The following LPP variants were observed in gnomAD, a reference collection of about 807,000 sequenced individuals.
The protein encoded by LPP is LIM domain containing preferred translocation partner in lipoma, also known as lipoma-preferred partner.
In LPP, 38 loss-of-function variants were observed where a neutral mutation model predicts 60.4. That is an observed-to-expected ratio of 0.63 (90% CI 0.49 to 0.83). The LOEUF (loss-of-function observed/expected upper bound fraction) is 0.83, where lower values mean the gene tolerates loss of function less well. Among genes scored for constraint, LPP ranks in the 40% least tolerant of loss-of-function variants. The pLI is 0.00. For missense variants in LPP, 902 were observed against 783.6 expected, an observed-to-expected ratio of 1.15 and a Z score of -1.80; for synonymous variants, 328 against 290.8, an observed-to-expected ratio of 1.13 and a Z score of -1.30.
intron 1 of LPP, among the ~76,000 whole-genome samples, chr3:188,187,209 C>G (rs1726857590): frequency 6.6e-6 from 1 of 152,062 alleles, no homozygotes; most frequent in Admixed American, 6.6e-5. Flanking sequence ...GGTTTGATTG[C>G]AAAAGCTGAA....
At chr3:188,594,623 CA>C (rs1839625129) in intron 6 of LPP, among the ~76,000 whole-genome samples, 5 of 152,040 alleles carry the variant, frequency 3.3e-5, no homozygotes, top group Admixed American at 2.6e-4. Flanking sequence ...TTGCATTTTT[CA>C]AAAAGAAATC....
chr3:188,161,738 A>G (rs921247618), intron 1 of LPP, among the ~76,000 whole-genome samples: 1 of 152,102 alleles, frequency 6.6e-6, no homozygotes, highest in Non-Finnish European at 1.5e-5. Flanking sequence ...TCCACCCTCC[A>G]CTAGGGGTTT....
chr3:188,370,383 G>A (rs1408326190), intron 3 of LPP, among the ~76,000 whole-genome samples: 1 of 152,186 alleles, frequency 6.6e-6, no homozygotes, highest in Non-Finnish European at 1.5e-5. Context: ...TGGAGTGATG[G>A]CAGCAAGATA....
chr3:188,588,624 T>A (rs1376826803), intron 6 of LPP, among the ~76,000 whole-genome samples: 1 of 152,212 alleles, frequency 6.6e-6, no homozygotes, highest in East Asian at 1.9e-4. Context: ...ATGAGGATAA[T>A]AATAGGTTCT....
At chr3:188,503,797 A>G (rs1812648910) in intron 5 of LPP, among the ~76,000 whole-genome samples, 1 of 152,150 alleles carries the variant, frequency 6.6e-6, no homozygotes, top group Admixed American at 6.5e-5. Context: ...GCTGCTAAGA[A>G]AACCGGATAA....
chr3:188,233,943 T>C (rs1163070917), intron 2 of LPP, among the ~76,000 whole-genome samples: 1 of 152,048 alleles, frequency 6.6e-6, no homozygotes. Context: ...ATTCCTCTGC[T>C]TATGCTGTTT....
intron 1 of LPP, among the ~76,000 whole-genome samples, chr3:188,178,344 G>A (rs1378614368): frequency 6.6e-6 from 1 of 152,190 alleles, no homozygotes; most frequent in African/African-American, 2.4e-5. Context: ...CTGAGACCCA[G>A]GTAGGGTGAT....
chr3:188,239,081 C>T (rs1441199283), intron 2 of LPP, among the ~76,000 whole-genome samples: 3 of 152,176 alleles, frequency 2.0e-5, no homozygotes, highest in Non-Finnish European at 4.4e-5. Flanking sequence ...GAGATGGGGG[C>T]ACTGGATCAG....
chr3:188,421,550 C>T (rs1787803310), intron 4 of LPP, among the ~76,000 whole-genome samples: 1 of 152,126 alleles, frequency 6.6e-6, no homozygotes, highest in South Asian at 2.1e-4. Context: ...GCCAAAGTCT[C>T]TTCAGAAAAT....
intron 7 of LPP, among the ~76,000 whole-genome samples, chr3:188,649,380 G>A (rs994210433): frequency 6.6e-6 from 1 of 152,178 alleles, no homozygotes; most frequent in East Asian, 1.9e-4. Flanking sequence ...CCAGTGTTTG[G>A]ATGACAGCTA....
chr3:188,741,407 A>G (rs537720509), intron 8 of LPP, among the ~76,000 whole-genome samples: 33 of 152,168 alleles, frequency 2.2e-4, no homozygotes, highest in African/African-American at 7.9e-4. Flanking sequence ...AATTAGTTGA[A>G]CTATTGTGCA....
At chr3:188,708,053 G>T (rs757211027) in intron 7 of LPP, among the ~76,000 whole-genome samples, 30 of 152,204 alleles carry the variant, frequency 2.0e-4, no homozygotes, top group Non-Finnish European at 3.7e-4. Flanking sequence ...TCTAAAGCCT[G>T]ATAGATGACT....
At chr3:188,634,552 A>T (rs1580559241) in intron 7 of LPP, among the ~76,000 whole-genome samples, 1 of 152,210 alleles carries the variant, frequency 6.6e-6, no homozygotes, top group African/African-American at 2.4e-5. Flanking sequence ...ATCTGTATTT[A>T]CAGCCACTCC....
chr3:188,205,219 A>G (rs1289600506), intron 1 of LPP, among the ~76,000 whole-genome samples: 1 of 151,334 alleles, frequency 6.6e-6, no homozygotes, highest in Non-Finnish European at 1.5e-5. Flanking sequence ...GTTTAGAGAG[A>G]TGAAATAACT....
chr3:188,235,739 A>G (rs1176895727), intron 2 of LPP, among the ~76,000 whole-genome samples: 5 of 152,260 alleles, frequency 3.3e-5, no homozygotes, highest in African/African-American at 1.2e-4. Context: ...GTTTCTTTTC[A>G]GGGTAGTTCC....
At chr3:188,211,572 A>T (rs1219761850) in intron 1 of LPP, among the ~76,000 whole-genome samples, 1 of 151,898 alleles carries the variant, frequency 6.6e-6, no homozygotes, top group Non-Finnish European at 1.5e-5. Context: ...TTTAGATCAG[A>T]TTCATTCCTG....
intron 2 of LPP, among the ~76,000 whole-genome samples, chr3:188,291,905 A>G (rs1011852728): frequency 2.6e-5 from 4 of 152,152 alleles, no homozygotes; most frequent in African/African-American, 9.7e-5. Flanking sequence ...TTTCTGCTCC[A>G]CCACCCTGAT....
rs958431762 is a variant in LPP at position 188,571,857 on chromosome 3, C to T, written c.430-37304C>T. Among the ~76,000 whole-genome samples, 5 of 152,156 alleles carry T rather than the reference C, an allele frequency of 3.3e-5. 1 individual carries two copies. The highest frequency in any genetic ancestry group is 4.2e-4 in the South Asian group (2 of 4,818). ...TACAGTTGCGGAGACATCAGTTAGG[C>T]GCTGTTCCTCTCACATATGTCATCA... On this transcript the variant is annotated intron_variant, in intron 6 of 11. Coordinates refer to ENST00000617246, the MANE Select transcript of LPP (RefSeq NM_001375462.1).
intron 3 of LPP, among the ~76,000 whole-genome samples, chr3:188,365,283 T>A (rs779627783): frequency 3.3e-5 from 5 of 152,178 alleles, no homozygotes; most frequent in Admixed American, 6.5e-5. Context: ...TTCTGGGCAG[T>A]AGAAGTGTAT....
Sources: allele counts gnomAD v4.1 joint callset (sites outside exome capture counted in the v4.1 genomes callset), GRCh38; gene constraint gnomAD v4.1.1; transcripts MANE v1.5; gene names NCBI Gene and HGNC (gene_info 2026-07-23, HGNC 2026-07-21).